The following UBAP2 variants were observed in gnomAD, a reference collection of about 807,000 sequenced individuals.
UBAP2 encodes the protein ubiquitin-associated protein 2.
UBAP2 carries 75 observed loss-of-function variants against 139.6 expected under a neutral mutation model. The observed-to-expected ratio is 0.54, with a 90% CI of 0.45 to 0.65. The LOEUF is 0.65. Among genes scored for constraint, UBAP2 ranks in the 30% least tolerant of loss-of-function variants. The pLI, the probability that UBAP2 is intolerant of heterozygous loss-of-function variation, is 0.00. For synonymous variants in UBAP2, 526 were observed against 526.2 expected (o/e 1.00, Z 0.01); for missense variants, 1,368 against 1,369.6 (o/e 1.00, Z 0.02).
rs558897387 is a variant in UBAP2, at chr9:33,998,841, G to A, written c.123C>T (p.Leu41=). Residue 41 remains leucine (L), a synonymous_variant, in exon 3 of 29, where the codon CTC becomes CTT. Coordinates refer to ENST00000379238, the MANE Select transcript of UBAP2 (RefSeq NM_001370062.2). ...CATTCTTATCAAAGATCACTTGAGC[G>A]AGACGCATCTGTTCAGCTGTTGCCT... ...VVQATAEQMR[L]AQVIFDKNDS... 4.1e-5 allele frequency: 66 copies of A among 1,611,428 alleles called. No individual in the cohort carries two copies. The South Asian group carries it at 5.5e-4, about 13-fold the overall frequency.
chr9:33,995,704 C>A (rs1333663824), intron 4 of UBAP2: 2 of 146,246 alleles, frequency 1.4e-5, no homozygotes, highest in African/African-American at 5.0e-5. Flanking sequence ...CTGACAAGTG[C>A]CTGGTGTAGC....
At chr9:34,039,262 G>A (rs568605162) in intron 1 of UBAP2, among the ~76,000 whole-genome samples, 140 of 143,096 alleles carry the variant, frequency 9.8e-4, no homozygotes, top group Admixed American at 2.5e-3. Flanking sequence ...CCGCCGCCCC[G>A]TCCGAGAGGT....
chr9:34,002,914 C>A (rs1165042179), intron 2 of UBAP2, among the ~76,000 whole-genome samples: 1 of 151,930 alleles, frequency 6.6e-6, no homozygotes, highest in Non-Finnish European at 1.5e-5. Context: ...TATTGAACCC[C>A]CCGAGCTTAA....
intron 16 of UBAP2, chr9:33,938,870 G>C (rs1021839395): frequency 4.4e-6 from 2 of 450,574 alleles, no homozygotes; most frequent in African/African-American, 4.1e-5. Context: ...GTGCCCATCT[G>C]TCAGGATATA....
chr9:33,946,615 G>A (rs182078087), intron 13 of UBAP2, among the ~76,000 whole-genome samples: 154 of 152,070 alleles, frequency 1.0e-3, no homozygotes, highest in African/African-American at 3.6e-3. Flanking sequence ...GGCTGGTCTC[G>A]AACTCCTGCT....
At chr9:34,012,840 A>ATT (rs113937825) in intron 2 of UBAP2, among the ~76,000 whole-genome samples, 33 of 146,426 alleles carry the variant, frequency 2.3e-4, no homozygotes, top group Admixed American at 1.2e-3. Context: ...CTCACAATGT[A>ATT]TTTTTTTTTT....
chr9:33,929,376 A>T (rs1305592239), intron 19 of UBAP2, among the ~76,000 whole-genome samples: 1 of 152,162 alleles, frequency 6.6e-6, no homozygotes, highest in African/African-American at 2.4e-5. Context: ...CTCATCTTCC[A>T]GAACTGGGAG....
At chr9:33,937,816 G>T (rs1248589716) in intron 16 of UBAP2, among the ~76,000 whole-genome samples, 7 of 151,564 alleles carry the variant, frequency 4.6e-5, no homozygotes, top group African/African-American at 1.7e-4. Context: ...CAGCTAGTCA[G>T]GAGGCTGAGG....
chr9:33,935,946 T>G, intron 16 of UBAP2, 68 bp from the exon 17 acceptor site: 1 of 1,422,772 alleles, frequency 7.0e-7, no homozygotes, highest in Non-Finnish European at 9.7e-7. Context: ...TGGCTTTTTA[T>G]ACTTTCTACA....
intron 4 of UBAP2, among the ~76,000 whole-genome samples, chr9:33,994,214 A>G (rs1210566885): frequency 6.6e-6 from 1 of 152,152 alleles, no homozygotes; most frequent in Non-Finnish European, 1.5e-5. Flanking sequence ...TCTAATACAT[A>G]GCCCAGAACC....
rs1173781682 is a variant in UBAP2 at position 33,980,220 on chromosome 9, C to CTTTTTTTTTTTTTTTTTT, written c.520+6522_520+6539dup. Among the ~76,000 whole-genome samples, 71 of 49,134 alleles carry CTTTTTTTTTTTTTTTTTT rather than the reference C, an allele frequency of 1.4e-3. 14 individuals carry two copies. The highest frequency in any genetic ancestry group is 2.8e-3 in the Admixed American group (8 of 2,898). The allele number at this position is 49,134 out of a possible 152,430, so 32.2% of individuals were successfully genotyped here. ...TTAATCCAAATCCTGAGTGTCATTT[C>CTTTTTTTTTTTTTTTTTT]TTTTTTTTTTTTTTTTTTTTTTTTT... On this transcript the variant is annotated intron_variant, in intron 6 of 28. Transcript: ENST00000379238.
chr9:34,019,461 A>G (rs1378968919), intron 1 of UBAP2, among the ~76,000 whole-genome samples: 6 of 152,112 alleles, frequency 3.9e-5, no homozygotes, highest in African/African-American at 1.4e-4. Context: ...AGTTACTTAG[A>G]AAAGTCAAAT....
At chr9:34,019,993 C>CT (rs1026622969) in intron 1 of UBAP2, among the ~76,000 whole-genome samples, 3 of 151,820 alleles carry the variant, frequency 2.0e-5, no homozygotes, top group Admixed American at 2.0e-4. Flanking sequence ...AACCCCATCT[C>CT]TACTAAAAAT....
At chr9:33,998,962 A>C in intron 2 of UBAP2, 98 bp from the exon 3 acceptor site, 1 of 873,912 alleles carries the variant, frequency 1.1e-6, no homozygotes, top group Non-Finnish European at 1.8e-6. Flanking sequence ...AGCACTAGAA[A>C]TACTAAGTAA....
At chr9:33,980,655 A>G (rs1022410621) in intron 6 of UBAP2, among the ~76,000 whole-genome samples, 7 of 152,078 alleles carry the variant, frequency 4.6e-5, no homozygotes, top group Admixed American at 1.3e-4. Context: ...CATTCAAAAC[A>G]AAGTTAAATG....
chr9:33,971,549 C>A, intron 8 of UBAP2, 102 bp downstream of exon 8: 1 of 747,546 alleles, frequency 1.3e-6, no homozygotes, highest in Non-Finnish European at 2.4e-6. Context: ...GTTTTTCATT[C>A]TTTTCCATCA....
chr9:33,938,171 A>ATTG (rs1435037598), intron 16 of UBAP2, among the ~76,000 whole-genome samples: 1 of 151,656 alleles, frequency 6.6e-6, no homozygotes, highest in Non-Finnish European at 1.5e-5. Context: ...TATTATTATT[A>ATTG]TTTGTAGAGG....
chr9:33,923,665 C>A (rs1823141492), intron 24 of UBAP2, 130 bp downstream of exon 24: 2 of 1,121,984 alleles, frequency 1.8e-6, no homozygotes, highest in Non-Finnish European at 2.7e-6. Flanking sequence ...CCAGCCTGAA[C>A]AGTTTCTGAA....
chr9:34,044,308 G>A (rs991950324), intron 1 of UBAP2, among the ~76,000 whole-genome samples: 2 of 151,900 alleles, frequency 1.3e-5, no homozygotes, highest in African/African-American at 4.8e-5. Context: ...GGCTGAGGCA[G>A]GAGAATGGCG....
Sources: gnomAD v4.1 joint callset for allele counts (sites outside exome capture counted in the v4.1 genomes callset) on GRCh38, gnomAD v4.1.1 for gene constraint, MANE v1.5 for transcripts, NCBI Gene and HGNC (gene_info 2026-07-23, HGNC 2026-07-21) for gene names.